The following GPR158 variants were observed in gnomAD, a reference collection of about 807,000 sequenced individuals.
GPR158 encodes G protein-coupled receptor 158, also known as metabotropic glycine receptor.
In GPR158, 30 loss-of-function variants were observed where a neutral mutation model predicts 78.2. The observed-to-expected ratio is 0.38, with a 90% CI of 0.29 to 0.52. The LOEUF is 0.52. Among genes scored for constraint, GPR158 ranks in the 20% least tolerant of loss-of-function variants. GPR158 has a pLI of 0.83. For missense variants in GPR158, 1,463 were observed against 1,523.5 expected, an observed-to-expected ratio of 0.96 and a Z score of 0.66; for synonymous variants, 581 against 591.1, an observed-to-expected ratio of 0.98 and a Z score of 0.25.
chr10:25,452,370 A>G (rs1191541004), intron 4 of GPR158, among the ~76,000 whole-genome samples: 3 of 152,142 alleles, frequency 2.0e-5, no homozygotes, highest in Non-Finnish European at 4.4e-5. Context: ...TATTTTTGCA[A>G]TTCATTCATT....
rs1348870062 is a variant in GPR158 at position 25,176,834 on chromosome 10, G to C, written c.902+512G>C. On this transcript the variant is annotated intron_variant, in intron 1 of 10. Transcript: ENST00000376351. This position sits in a 1 kb window ranked among gnomAD's most constrained non-coding sequence, Gnocchi z 6.3. ...GTGCAGTTGGGGGCACCGGTCTGTT[G>C]TTAGTCAGAGCTTATAATTAAAACT... is the stretch of plus-strand genomic sequence containing the variant. 1.3e-5 allele frequency among the ~76,000 whole-genome samples: 2 copies of C among 152,206 alleles called. No homozygotes were observed. Among genetic ancestry groups the C allele is most frequent in the South Asian group, 2.1e-4 (1 of 4,828 alleles).
At chr10:25,589,249 GAT>G (rs1443767626) in intron 8 of GPR158, 104 bp downstream of exon 8, 2 of 721,104 alleles carry the variant, frequency 2.8e-6, no homozygotes, top group Non-Finnish European at 4.2e-6. Context: ...ACTTAGCAAA[GAT>G]AGCATTTTAT....
rs557319488 is a variant in GPR158 at position 25,332,798 on chromosome 10, A to G, written c.1009-63113A>G. 2.0e-5 allele frequency among the ~76,000 whole-genome samples: 3 copies of G among 152,292 alleles called. No individual in the cohort carries two copies. The South Asian group carries it at 6.2e-4, about 32-fold the overall frequency. ...TCGTTATAACTTAAAAAAATTCGAC[A>G]CTAATCTTAGAAATAACTGCTGTTT... is the stretch of plus-strand genomic sequence containing the variant. On this transcript the variant is annotated intron_variant, in intron 2 of 10. Transcript: ENST00000376351.
intron 4 of GPR158, among the ~76,000 whole-genome samples, chr10:25,432,156 G>A (rs1834918887): frequency 6.6e-6 from 1 of 152,070 alleles, no homozygotes; most frequent in Admixed American, 6.6e-5. Context: ...AAACCTCTTA[G>A]GAATCACGCA....
intron 5 of GPR158, among the ~76,000 whole-genome samples, chr10:25,490,398 C>T (rs951901755): frequency 1.4e-5 from 2 of 142,934 alleles, no homozygotes; most frequent in Admixed American, 7.2e-5. Flanking sequence ...CCCACTAACT[C>T]GTCATCTAGT....
intron 2 of GPR158, among the ~76,000 whole-genome samples, chr10:25,222,638 T>C (rs527648940): frequency 1.3e-5 from 2 of 152,318 alleles, no homozygotes; most frequent in South Asian, 2.1e-4. Context: ...TCGCTTGGCT[T>C]GGTGAATATC....
chr10:25,535,819 T>G (rs1836492643), intron 5 of GPR158, among the ~76,000 whole-genome samples: 1 of 152,240 alleles, frequency 6.6e-6, no homozygotes, highest in Admixed American at 6.5e-5. Context: ...TCCACACTAT[T>G]CAGAAGCTTC....
intron 2 of GPR158, among the ~76,000 whole-genome samples, chr10:25,283,269 A>G (rs111895622): frequency 0.013 from 1,996 of 152,128 alleles, 34 homozygotes; most frequent in South Asian, 0.058. Context: ...TTAAGTTGTC[A>G]CATTTATGGG....
intron 1 of GPR158, among the ~76,000 whole-genome samples, chr10:25,212,509 A>G (rs770173544): frequency 3.3e-4 from 50 of 152,174 alleles, no homozygotes; most frequent in Non-Finnish European, 6.0e-4. Flanking sequence ...CACAGATCCA[A>G]ACCATATCAG....
intron 1 of GPR158, among the ~76,000 whole-genome samples, chr10:25,203,848 G>A (rs1189117928): frequency 1.4e-5 from 2 of 144,420 alleles, no homozygotes; most frequent in South Asian, 2.3e-4. Context: ...ATTACCTTGG[G>A]CAGTTTGGCC....
At chr10:25,324,243 G>C (rs113556273) in intron 2 of GPR158, among the ~76,000 whole-genome samples, 1 of 152,166 alleles carries the variant, frequency 6.6e-6, no homozygotes, top group Non-Finnish European at 1.5e-5. Flanking sequence ...ACCTGCTTTC[G>C]TCACTAAGTA....
intron 1 of GPR158, among the ~76,000 whole-genome samples, chr10:25,195,474 G>A (rs1358607371): frequency 6.6e-6 from 1 of 152,094 alleles, no homozygotes; most frequent in Non-Finnish European, 1.5e-5. Flanking sequence ...CCAAAGTGCT[G>A]GGATTACAGC....
At chr10:25,510,774 A>G (rs1037150933) in intron 5 of GPR158, among the ~76,000 whole-genome samples, 2 of 152,178 alleles carry the variant, frequency 1.3e-5, no homozygotes, top group African/African-American at 4.8e-5. Flanking sequence ...CTGAGCTCCC[A>G]CTTATGTGTA....
chr10:25,589,159 A>T lies in GPR158; in HGVS notation c.1892+14A>T. On this transcript the variant is annotated intron_variant, in intron 8 of 10. Coordinates refer to ENST00000376351, the MANE Select transcript of GPR158 (RefSeq NM_020752.3). ...CCATACAATTAGGCAAGTGATCTGT[A>T]GAGCTAGTAAATAACTATTTTATTT... 6.4e-7 allele frequency: 1 copy of T among 1,563,224 alleles called. No individual in the cohort carries two copies. Among genetic ancestry groups the T allele is most frequent in the Non-Finnish European group, 8.7e-7 (1 of 1,143,562 alleles).
chr10:25,427,289 CATT>C (rs1402761383), intron 4 of GPR158, among the ~76,000 whole-genome samples: 3 of 152,074 alleles, frequency 2.0e-5, no homozygotes, highest in African/African-American at 4.8e-5. Context: ...AAGGAACAAT[CATT>C]ATGGAGGGAG....
chr10:25,323,149 A>G (rs1403493438), intron 2 of GPR158, among the ~76,000 whole-genome samples: 1 of 151,972 alleles, frequency 6.6e-6, no homozygotes, highest in African/African-American at 2.4e-5. Context: ...CTGGCCTCTG[A>G]TTGGCAAGTC....
chr10:25,326,699 T>TTAATAATAACAACTAA (rs1855038902), intron 2 of GPR158, among the ~76,000 whole-genome samples: 1 of 152,202 alleles, frequency 6.6e-6, no homozygotes, highest in South Asian at 2.1e-4. Flanking sequence ...GTGACTATAG[T>TTAATAATAACAACTAA]TAATAATAAC....
intron 2 of GPR158, among the ~76,000 whole-genome samples, chr10:25,229,585 C>G (rs1421204128): frequency 6.6e-6 from 1 of 152,104 alleles, no homozygotes; most frequent in African/African-American, 2.4e-5. Context: ...GGTTAAATAA[C>G]TTATTTATAA....
Position 25,175,455 on chromosome 10 carries a change from T to C in GPR158, c.35T>C (p.Leu12Pro). 1 of 1,601,934 alleles carries C rather than the reference T, an allele frequency of 6.2e-7. No homozygotes were observed. The highest frequency in any genetic ancestry group is 2.2e-5 in the East Asian group (1 of 44,708). The change falls in exon 1 of 11, where the codon CTC becomes CCC. Residue 12 changes from leucine (L) to proline (P), a missense_variant. Leu to Pro is a moderately conservative substitution (Grantham distance 98). Transcript: ENST00000376351. This position sits in a 1 kb window ranked among gnomAD's most constrained non-coding sequence, Gnocchi z 6.4. ...ATGGCTTACCCCTTACTCCTCTGCCTCCTGCTTGCTCAGCTGGGATTGGGA... is the reference window on the plus strand; with the variant it reads ...ATGGCTTACCCCTTACTCCTCTGCCCCCTGCTTGCTCAGCTGGGATTGGGA... ...GAMAYPLLLCLLLAQLGLGAV... is the reference protein window; with the variant it reads ...GAMAYPLLLCPLLAQLGLGAV...
Sources: allele counts gnomAD v4.1 joint callset (sites outside exome capture counted in the v4.1 genomes callset), GRCh38; gene constraint gnomAD v4.1.1; non-coding constraint Gnocchi (gnomAD v3.1); transcripts MANE v1.5; gene names NCBI Gene and HGNC (gene_info 2026-07-23, HGNC 2026-07-21).